The following ISLR2 variants were observed in gnomAD, a reference collection of about 807,000 sequenced individuals.
The protein encoded by ISLR2 is immunoglobulin superfamily containing leucine rich repeat 2.
In ISLR2, 16 loss-of-function variants were observed where a neutral mutation model predicts 25.5. That is an observed-to-expected ratio of 0.63 (90% CI 0.43 to 0.95). The LOEUF (loss-of-function observed/expected upper bound fraction) is 0.95. Ranked by LOEUF, ISLR2 falls within the 40% of genes least tolerant of loss-of-function variation. ISLR2 has a pLI of 0.00. For missense variants in ISLR2, 883 were observed against 1,030.7 expected (o/e 0.86, Z 1.96); for synonymous variants, 508 against 486.6 (o/e 1.04, Z -0.58).
upstream of ISLR2, among the ~76,000 whole-genome samples, chr15:74,125,105 C>T (rs551783803): frequency 2.0e-5 from 3 of 152,324 alleles, no homozygotes; most frequent in South Asian, 2.1e-4. Flanking sequence ...AGTCCTGCCA[C>T]GGAGGAGCTG....
Position 74,134,282 on chromosome 15 carries a change from G to T in ISLR2, c.1528G>T (p.Gly510Cys). 6.5e-7 allele frequency: 1 copy of T among 1,546,842 alleles called. No homozygotes were observed. The highest frequency in any genetic ancestry group is 2.4e-5 in the East Asian group (1 of 41,140). Residue 510 changes from glycine to cysteine, a missense_variant, in exon 3 of 3, where the codon GGC becomes TGC. Physicochemically the swap from Gly to Cys is radical, Grantham distance 159. Coordinates refer to ENST00000453268, the MANE Select transcript of ISLR2 (RefSeq NM_020851.3). Reference sequence around the variant, plus strand: ...GCTGACTCCGCTGGCTGCGCGCTGGGGCCCTGGGCCCGGCGGGGCTGGCGG... The same window carrying T: ...GCTGACTCCGCTGGCTGCGCGCTGGTGCCCTGGGCCCGGCGGGGCTGGCGG... ...VQLTPLAARW[G>C]PGPGGAGGAP...
At chr15:74,108,723 G>C (rs961874282) in intron 2 of ISLR2, among the ~76,000 whole-genome samples, 19 of 152,356 alleles carry the variant, frequency 1.2e-4, no homozygotes, top group African/African-American at 4.6e-4. Context: ...CGGAACACAT[G>C]TCCCAAGGAG....
chr15:74,116,129 C>T (rs1313597905), intron 2 of ISLR2, among the ~76,000 whole-genome samples: 1 of 151,688 alleles, frequency 6.6e-6, no homozygotes, highest in South Asian at 2.1e-4. Context: ...TCCAGGAGGT[C>T]GAGGTTGCAG....
rs549768598 is a variant in ISLR2, at chr15:74,121,809, T to C, written n.229-9398T>C. ...TGCCAGGATCCACCTCAGGGAGGGT[T>C]CTCCTCCCTCCAGATCTCTGCCCCA... On this transcript the variant is annotated intron_variant and non_coding_transcript_variant, in intron 2 of 3. Transcript: ENST00000561975. Among the ~76,000 whole-genome samples the C allele has an allele frequency of 2.0e-5, 3 of 152,236 alleles. No individual in the cohort carries two copies. The South Asian group carries it at 6.2e-4, about 32-fold the overall frequency.
At chr15:74,120,619 G>A (rs927709876) in intron 2 of ISLR2, among the ~76,000 whole-genome samples, 16 of 151,882 alleles carry the variant, frequency 1.1e-4, no homozygotes, top group African/African-American at 3.4e-4. Context: ...TCATAGAGTC[G>A]GCTTGGGAAC....
chr15:74,110,820 G>A (rs1488847767), intron 2 of ISLR2, among the ~76,000 whole-genome samples: 7 of 152,244 alleles, frequency 4.6e-5, no homozygotes, highest in East Asian at 1.9e-4. Flanking sequence ...TTAGCTGGGC[G>A]TGGTGGCGGG....
chr15:74,128,283 G>T, upstream of ISLR2: 1 of 359,792 alleles, frequency 2.8e-6, no homozygotes, highest in Admixed American at 4.1e-5. Flanking sequence ...GGCGGGCACT[G>T]GGCTCTCCAG....
chr15:74,118,322 T>A (rs1437077277), intron 2 of ISLR2, among the ~76,000 whole-genome samples: 1 of 152,002 alleles, frequency 6.6e-6, no homozygotes, highest in Non-Finnish European at 1.5e-5. Flanking sequence ...GGTAATAGAA[T>A]ATCACAAAGC....
At chr15:74,106,230 T>G (rs996406574) in intron 2 of ISLR2, among the ~76,000 whole-genome samples, 5 of 152,094 alleles carry the variant, frequency 3.3e-5, no homozygotes, top group African/African-American at 1.2e-4. Context: ...GAAGCCACCT[T>G]GGGTACAGCT....
At position 74,116,698 on chromosome 15, in the gene ISLR2, CAT is replaced by C. The variant is rs560192559; in HGVS notation, n.228+12785_228+12786del. Among the ~76,000 whole-genome samples, 359 of 151,920 alleles carry C rather than the reference CAT, an allele frequency of 2.4e-3. 4 individuals are homozygous for C. Among genetic ancestry groups the C allele is most frequent in the Admixed American group, 0.011 (167 of 15,004 alleles). Reference sequence around the variant, plus strand: ...AGTAATAACATTATGGGGTTTATAACATGTGGAAGTAAAATGATGATGAGAAT... The same window carrying C: ...AGTAATAACATTATGGGGTTTATAACGTGGAAGTAAAATGATGATGAGAAT... On this transcript the variant is annotated intron_variant and non_coding_transcript_variant, in intron 2 of 3. Coordinates refer to the ISLR2 transcript ENST00000561975.
In ISLR2 at chr15:74,135,135, G is replaced by C; in HGVS notation, c.*143G>C. ...TACTACTCCCCAACCTTGACTACCA[G>C]GGACTTCTATTAGGGAGTGGGCCGA... On this transcript the variant is annotated 3_prime_UTR_variant, in exon 3 of 3. Transcript: ENST00000453268. 2 of 1,024,782 alleles carry C rather than the reference G, an allele frequency of 2.0e-6. No homozygotes were observed. Among genetic ancestry groups the C allele is most frequent in the Non-Finnish European group, 2.8e-6 (2 of 705,594 alleles). The allele number at this position is 1,024,782 out of a possible 1,614,324, so 63.5% of individuals were successfully genotyped here. A position where few individuals can be genotyped will look rare whatever the true frequency, so the allele number is the denominator to read the frequency against.
upstream of ISLR2, chr15:74,128,316 C>A: frequency 2.4e-6 from 1 of 411,754 alleles, no homozygotes. Flanking sequence ...GGGTAAGGGG[C>A]GTCTTTCCCC....
intron 2 of ISLR2, among the ~76,000 whole-genome samples, chr15:74,106,420 C>T (rs1031069503): frequency 2.0e-5 from 3 of 152,136 alleles, no homozygotes; most frequent in African/African-American, 4.8e-5. Flanking sequence ...CTTCAATGAC[C>T]GCAGCCTCTT....
At chr15:74,137,973 A>G (rs2072585990), downstream of ISLR2, among the ~76,000 whole-genome samples, 1 of 152,072 alleles carries the variant, frequency 6.6e-6, no homozygotes, top group African/African-American at 2.4e-5. Flanking sequence ...TTTTTAAAAT[A>G]GATCAGTTTT....
downstream of ISLR2, among the ~76,000 whole-genome samples, chr15:74,140,945 C>T (rs2072607879): frequency 6.6e-6 from 1 of 152,192 alleles, no homozygotes; most frequent in South Asian, 2.1e-4. Flanking sequence ...GCAATATTCG[C>T]ATTTTGTTCA....
At chr15:74,126,875 G>A (rs2072303049), upstream of ISLR2, 1 of 152,828 alleles carries the variant, frequency 6.5e-6, no homozygotes, top group Non-Finnish European at 1.4e-5. Flanking sequence ...CTTCTTGAGG[G>A]TGTGGGGCTG....
At chr15:74,126,302 G>T (rs75310392), upstream of ISLR2, 2 of 150,648 alleles carry the variant, frequency 1.3e-5, no homozygotes, top group African/African-American at 4.9e-5. Flanking sequence ...AGTGCTTTGC[G>T]TACATTGATT....
Position 74,133,879 on chromosome 15 carries a change from C to T in ISLR2, c.1125C>T (p.Thr375=). The stretch of plus-strand genomic sequence containing the variant: ...CAATACGCGTGGCGGTGGCAGCAAC[C>T]GGGCCCCCAAAACACGCGCCTGGCG... The part of the protein sequence containing the change: ...STSIRVAVAA[T]GPPKHAPGAG... The change falls in exon 3 of 3, where the codon ACC becomes ACT. Residue 375 remains threonine, a synonymous_variant. Transcript: ENST00000453268. The T allele has an allele frequency of 6.2e-7, 1 of 1,610,200 alleles. No individual in the cohort carries two copies. Among genetic ancestry groups the T allele is most frequent in the Non-Finnish European group, 8.5e-7 (1 of 1,178,504 alleles).
At chr15:74,111,018 T>G (rs1431426157) in intron 2 of ISLR2, among the ~76,000 whole-genome samples, 1 of 150,032 alleles carries the variant, frequency 6.7e-6, no homozygotes, top group African/African-American at 2.5e-5. Flanking sequence ...TGGGTGCCTA[T>G]AATCACAGCT....
Sources: allele counts gnomAD v4.1 joint callset (sites outside exome capture counted in the v4.1 genomes callset), GRCh38; gene constraint gnomAD v4.1.1; transcripts MANE v1.5; gene names NCBI Gene and HGNC (gene_info 2026-07-23, HGNC 2026-07-21).